The following B3GALT1 variants were observed in gnomAD, a reference collection of about 807,000 sequenced individuals.
B3GALT1 encodes the protein beta-1,3-galactosyltransferase 1.
Under a neutral mutation model 23.2 loss-of-function variants are expected in B3GALT1, and 10 were observed. That is an observed-to-expected ratio of 0.43 (90% CI 0.27 to 0.73). B3GALT1 has a LOEUF of 0.73. Ranked by LOEUF, B3GALT1 falls within the 30% of genes least tolerant of loss-of-function variation. The probability of loss-of-function intolerance (pLI) is 0.21; values close to 1 mark genes in which losing one functional copy is unlikely to be tolerated. For synonymous variants in B3GALT1, 156 were observed against 141.5 expected, an observed-to-expected ratio of 1.10 and a Z score of -0.73; for missense variants, 299 against 405.4, an observed-to-expected ratio of 0.74 and a Z score of 2.25.
chr2:167,642,406 G>C (rs1448720613), intron 2 of B3GALT1, among the ~76,000 whole-genome samples: 1 of 152,116 alleles, frequency 6.6e-6, no homozygotes, highest in Non-Finnish European at 1.5e-5. Flanking sequence ...ATGTTCAATG[G>C]ACTGATTAGT....
At chr2:167,464,302 A>G (rs1162232210) in intron 1 of B3GALT1, among the ~76,000 whole-genome samples, 8 of 152,152 alleles carry the variant, frequency 5.3e-5, no homozygotes. Context: ...TGGAAATGCA[A>G]GTTCTTGATC....
intron 3 of B3GALT1, among the ~76,000 whole-genome samples, chr2:167,726,331 C>T (rs1011766613): frequency 2.6e-5 from 4 of 152,164 alleles, no homozygotes; most frequent in South Asian, 2.1e-4. Context: ...ACCTATTCAT[C>T]GCCTTCTTTG....
chr2:167,669,269 G>C (rs754084934), intron 3 of B3GALT1, among the ~76,000 whole-genome samples: 6 of 152,156 alleles, frequency 3.9e-5, no homozygotes, highest in Non-Finnish European at 7.3e-5. Flanking sequence ...GGGTAGGCTA[G>C]TGGCATCATT....
chr2:167,790,322 A>G (rs768455523), intron 3 of B3GALT1, among the ~76,000 whole-genome samples: 19 of 152,166 alleles, frequency 1.2e-4, no homozygotes, highest in Non-Finnish European at 2.2e-4. Context: ...GACTCAAACT[A>G]GGAATTCAGG....
chr2:167,660,223 C>G lies in B3GALT1; in HGVS notation c.-352+13257C>G, dbSNP rs188409884. Among the ~76,000 whole-genome samples, 6 of 152,136 alleles carry G rather than the reference C, an allele frequency of 3.9e-5. No individual in the cohort carries two copies. The East Asian group carries it at 1.2e-3, about 29-fold the overall frequency. On this transcript the variant is annotated intron_variant, in intron 3 of 4. Transcript: ENST00000392690. ...CATAGCTCTTTCTAACTAAAAAATG[C>G]AAACCCTGGAAGTTATTATAGGAAG...
At chr2:167,614,023 A>G (rs899208641) in intron 2 of B3GALT1, among the ~76,000 whole-genome samples, 8 of 151,796 alleles carry the variant, frequency 5.3e-5, no homozygotes, top group Non-Finnish European at 8.9e-5. Context: ...CTCTCGTTTA[A>G]TATTTTTCTA....
At chr2:167,512,534 GTATATATATA>G (rs1196371799) in intron 2 of B3GALT1, among the ~76,000 whole-genome samples, 14 of 100,540 alleles carry the variant, frequency 1.4e-4, no homozygotes, top group African/African-American at 3.9e-4. Flanking sequence ...ATGTGTGTGT[GTATATATATA>G]TGTATATATA....
In B3GALT1 at chr2:167,781,957, C is replaced by T. The variant is rs994113333; in HGVS notation, c.-351-36715C>T. On this transcript the variant is annotated intron_variant, in intron 3 of 4. Coordinates refer to ENST00000392690, the MANE Select transcript of B3GALT1 (RefSeq NM_020981.4). ...GGGGTTTCACCATGTTGGTCAGGCTCGTCTCGAACTCCTGAGCTCAAGCGA... is the reference window on the plus strand; with the variant it reads ...GGGGTTTCACCATGTTGGTCAGGCTTGTCTCGAACTCCTGAGCTCAAGCGA... Among the ~76,000 whole-genome samples the T allele has an allele frequency of 5.9e-5, 9 of 152,122 alleles. No individual in the cohort carries two copies. In the South Asian group the frequency reaches 8.3e-4, roughly 14 times the overall value.
intron 1 of B3GALT1, among the ~76,000 whole-genome samples, chr2:167,465,383 A>T (rs1699328777): frequency 6.6e-6 from 1 of 152,134 alleles, no homozygotes; most frequent in African/African-American, 2.4e-5. Context: ...TTCGTAAATT[A>T]TAGAATTTTT....
At chr2:167,330,536 G>T (rs1696957148) in intron 1 of B3GALT1, among the ~76,000 whole-genome samples, 1 of 152,170 alleles carries the variant, frequency 6.6e-6, no homozygotes, top group African/African-American at 2.4e-5. Flanking sequence ...CCTGAGCCCA[G>T]GAGGTTGAGG....
chr2:167,747,080 T>C (rs369839683), intron 3 of B3GALT1, among the ~76,000 whole-genome samples: 4 of 152,150 alleles, frequency 2.6e-5, no homozygotes, highest in African/African-American at 9.7e-5. Context: ...TGTGTCGACA[T>C]TTTTCCCTTT....
At chr2:167,332,174 A>G (rs996375165) in intron 1 of B3GALT1, among the ~76,000 whole-genome samples, 1 of 152,080 alleles carries the variant, frequency 6.6e-6, no homozygotes, top group African/African-American at 2.4e-5. Context: ...TCCCATGGCT[A>G]GGATTATAGG....
At chr2:167,394,373 C>G (rs976254687) in intron 1 of B3GALT1, among the ~76,000 whole-genome samples, 4 of 152,108 alleles carry the variant, frequency 2.6e-5, no homozygotes, top group African/African-American at 9.7e-5. Flanking sequence ...GCATTTAACT[C>G]AGAAACAAAA....
chr2:167,459,864 G>C (rs992270198), intron 1 of B3GALT1, among the ~76,000 whole-genome samples: 1 of 152,034 alleles, frequency 6.6e-6, no homozygotes, highest in African/African-American at 2.4e-5. Flanking sequence ...TGCTGATATA[G>C]GATTCTTGGT....
intron 3 of B3GALT1, among the ~76,000 whole-genome samples, chr2:167,664,871 A>T (rs1481387242): frequency 6.7e-6 from 1 of 149,894 alleles, no homozygotes; most frequent in South Asian, 2.2e-4. Context: ...GGCTGAGACA[A>T]TGGGGTTTTC....
intron 2 of B3GALT1, among the ~76,000 whole-genome samples, chr2:167,636,992 A>G (rs1444091799): frequency 6.6e-6 from 1 of 151,898 alleles, no homozygotes; most frequent in African/African-American, 2.4e-5. Context: ...TATAATAATA[A>G]TAAAAAAAAA....
chr2:167,612,112 A>G (rs1242657674), intron 2 of B3GALT1, among the ~76,000 whole-genome samples: 1 of 151,974 alleles, frequency 6.6e-6, no homozygotes, highest in Non-Finnish European at 1.5e-5. Flanking sequence ...AAACAAAAGA[A>G]TTAATGTACT....
At chr2:167,372,088 T>G (rs1697694911) in intron 1 of B3GALT1, among the ~76,000 whole-genome samples, 1 of 151,926 alleles carries the variant, frequency 6.6e-6, no homozygotes, top group South Asian at 2.1e-4. Context: ...TTAGCACATT[T>G]GAGTTGCTAT....
At chr2:167,722,607 T>G (rs979634639) in intron 3 of B3GALT1, among the ~76,000 whole-genome samples, 1 of 152,204 alleles carries the variant, frequency 6.6e-6, no homozygotes, top group East Asian at 1.9e-4. Context: ...AGCCAGAATT[T>G]TACATAATAA....
Sources: allele counts gnomAD v4.1 joint callset (sites outside exome capture counted in the v4.1 genomes callset), GRCh38; gene constraint gnomAD v4.1.1; transcripts MANE v1.5; gene names NCBI Gene and HGNC (gene_info 2026-07-23, HGNC 2026-07-21).